Variants in MTHFSD observed in about 807,000 individuals in gnomAD.
MTHFSD encodes the protein methenyltetrahydrofolate synthetase domain containing.
Under a neutral mutation model 31.1 loss-of-function variants are expected in MTHFSD, and 37 were observed. That is an observed-to-expected ratio of 1.19 (90% CI 0.91 to 1.56). MTHFSD has a LOEUF of 1.56. MTHFSD is among the 40% of genes most tolerant of loss of function. MTHFSD has a pLI of 0.00. For synonymous variants in MTHFSD, 221 were observed against 206.9 expected, an observed-to-expected ratio of 1.07 and a Z score of -0.59; for missense variants, 664 against 510.1, an observed-to-expected ratio of 1.30 and a Z score of -2.91.
At position 86,532,374 on chromosome 16, in the gene MTHFSD, C is replaced by T. The variant is rs753956433; in HGVS notation, c.789G>A (p.Pro263=). 18 of 1,577,520 alleles carry T rather than the reference C, an allele frequency of 1.1e-5. No individual in the cohort carries two copies. The highest frequency in any genetic ancestry group is 7.1e-5 in the East Asian group (3 of 42,538). Residue 263 remains proline, a synonymous_variant, in exon 8 of 8, where the codon CCG becomes CCA. Transcript: ENST00000360900. ...VTLQGEHQHL[P]EPGCQQTVPL... ...GCACTGTCTGCTGGCAGCCTGGTTC[C>T]GGAAGGTGCTGGTGCTCACCCTGGA...
intron 4 of MTHFSD, chr16:86,548,017 T>C (rs1972581246): frequency 2.3e-6 from 3 of 1,284,828 alleles, no homozygotes; most frequent in African/African-American, 1.5e-5. Context: ...AAATATGTAA[T>C]TATCAGCAAT....
intron 1 of MTHFSD, 149 bp from the exon 2 acceptor site, chr16:86,554,900 G>T: frequency 9.5e-7 from 1 of 1,056,098 alleles, no homozygotes; most frequent in Non-Finnish European, 1.3e-6. Flanking sequence ...ACCTCAAGGG[G>T]CCCACGGGCT....
chr16:86,540,662 C>T (rs1971371983), intron 7 of MTHFSD: 2 of 986,900 alleles, frequency 2.0e-6, no homozygotes, highest in African/African-American at 3.5e-5. Flanking sequence ...TTGGCTTCCA[C>T]TTACAAGGAA....
At chr16:86,535,305 C>T (rs1399752369) in intron 7 of MTHFSD, 12 of 549,334 alleles carry the variant, frequency 2.2e-5, no homozygotes, top group Non-Finnish European at 2.7e-5. Context: ...GGCTTCACAT[C>T]AGCTCCCTCC....
intron 1 of MTHFSD, 194 bp from the exon 2 acceptor site, chr16:86,554,945 G>C (rs1250585116): frequency 4.0e-6 from 5 of 1,237,874 alleles, no homozygotes; most frequent in South Asian, 3.2e-5. Flanking sequence ...CTCCCGCCTC[G>C]TCTTCTCGTT....
intron 7 of MTHFSD, chr16:86,541,072 C>T (rs1014651309): frequency 2.0e-5 from 25 of 1,247,644 alleles, no homozygotes; most frequent in East Asian, 5.7e-5. Flanking sequence ...TTTGTCCACA[C>T]GAAGCACAAA....
At chr16:86,547,212 C>G (rs540005290) in intron 4 of MTHFSD, 1 of 986,098 alleles carries the variant, frequency 1.0e-6, no homozygotes, top group African/African-American at 1.7e-5. Flanking sequence ...AATATACTCG[C>G]TTCTAAAAAA....
intron 7 of MTHFSD, chr16:86,533,275 G>A (rs1343364331): frequency 1.3e-5 from 2 of 152,260 alleles, no homozygotes; most frequent in African/African-American, 2.4e-5. Context: ...AAGGCCTGAT[G>A]GCTCTGTCCT....
chr16:86,547,254 T>C, intron 4 of MTHFSD: 2 of 985,936 alleles, frequency 2.0e-6, no homozygotes, highest in East Asian at 1.1e-4. Context: ...CCCAAAAGTG[T>C]ACCGCTTTAT....
At chr16:86,535,292 C>G (rs1970527267) in intron 7 of MTHFSD, 1 of 985,114 alleles carries the variant, frequency 1.0e-6, no homozygotes, top group Admixed American at 6.2e-5. Flanking sequence ...TAAAGGATGA[C>G]AAGGCTTCAC....
intron 7 of MTHFSD, among the ~76,000 whole-genome samples, chr16:86,536,006 C>T (rs951790175): frequency 6.6e-6 from 1 of 152,132 alleles, no homozygotes; most frequent in Non-Finnish European, 1.5e-5. Flanking sequence ...GGGCACTCAC[C>T]ACCACACCCA....
At chr16:86,541,020 A>C (rs1161851026) in intron 7 of MTHFSD, 1 of 1,174,684 alleles carries the variant, frequency 8.5e-7, no homozygotes, top group Non-Finnish European at 1.1e-6. Context: ...TTGGGATTAA[A>C]GAATGGGAGA....
At chr16:86,546,310 A>G (rs773422932) in intron 5 of MTHFSD, among the ~76,000 whole-genome samples, 13 of 152,262 alleles carry the variant, frequency 8.5e-5, no homozygotes, top group Non-Finnish European at 1.9e-4. Context: ...CACCACCTGA[A>G]CAGAGAGTTA....
rs8776 is a variant in MTHFSD, at chr16:86,530,288, C to T, written c.*1723G>A. On this transcript the variant is annotated 3_prime_UTR_variant, in exon 8 of 8. Transcript: ENST00000360900. ...AACTCTTTCAGATTATCTGTATATC[C>T]ATATACCTGGATTATTCTGGCTAAA... is the stretch of plus-strand genomic sequence containing the variant. 16,365 of 152,250 alleles carry T rather than the reference C, an allele frequency of 0.11. 969 individuals carry two copies. Among genetic ancestry groups the T allele is most frequent in the South Asian group, 0.24 (1,143 of 4,824 alleles). The allele number at this position is 152,250 out of a possible 1,614,324, so 9.4% of individuals were successfully genotyped here. A position where few individuals can be genotyped will look rare whatever the true frequency, so the allele number is the denominator to read the frequency against.
chr16:86,532,580 G>T, intron 7 of MTHFSD, 99 bp from the exon 8 acceptor site: 1 of 989,018 alleles, frequency 1.0e-6, no homozygotes, highest in Non-Finnish European at 1.4e-6. Context: ...TGCTGCACAC[G>T]TGGACTGGAT....
At chr16:86,541,854 C>G (rs3213418) in intron 6 of MTHFSD, 32 bp from the exon 7 acceptor site, 1,434,907 of 1,611,676 alleles carry the variant, frequency 0.89, 640,907 homozygotes, top group South Asian at 0.93. Context: ...AAAGGGGCTG[C>G]TGGGAATGCC....
chr16:86,546,523 C>A (rs760086384), intron 5 of MTHFSD, 36 bp downstream of exon 5: 1 of 1,577,796 alleles, frequency 6.3e-7, no homozygotes, highest in African/African-American at 1.3e-5. Flanking sequence ...TCAGGCAGAG[C>A]TGTCACACTC....
At position 86,542,279 on chromosome 16, in the gene MTHFSD, A is replaced by G. The variant is rs1338962899; in HGVS notation, c.443-66T>C. ...GGCATCGCTGAGAAGTGGATTTTCCATCAGGTCCAGTGGAAGAAGAAACTT... is the reference window on the plus strand; with the variant it reads ...GGCATCGCTGAGAAGTGGATTTTCCGTCAGGTCCAGTGGAAGAAGAAACTT... On this transcript the variant is annotated intron_variant, in intron 5 of 7. Coordinates refer to ENST00000360900, the MANE Select transcript of MTHFSD (RefSeq NM_001159377.2). This position sits in a 1 kb window ranked among gnomAD's most constrained non-coding sequence, Gnocchi z 4.6. The G allele has an allele frequency of 2.2e-6, 3 of 1,372,162 alleles. No individual in the cohort carries two copies. The Admixed American group carries it at 5.7e-5, about 26-fold the overall frequency. The allele number at this position is 1,372,162 out of a possible 1,614,324, so 85.0% of individuals were successfully genotyped here.
In MTHFSD at chr16:86,536,932, C is replaced by T. The variant is rs16941462; in HGVS notation, c.682-4451G>A. ...CTTGAGCTTTCCGTGTTGGCTGTTC[C>T]GGTGTCACCCTACACACGTCTGTGC... is the stretch of plus-strand genomic sequence containing the variant. On this transcript the variant is annotated intron_variant, in intron 7 of 7. Transcript: ENST00000360900. Among the ~76,000 whole-genome samples the T allele has an allele frequency of 7.8e-3, 1,187 of 152,316 alleles. 15 individuals are homozygous for T. The highest frequency in any genetic ancestry group is 0.026 in the African/African-American group (1,075 of 41,568).
Sources: gnomAD v4.1 joint callset for allele counts (sites outside exome capture counted in the v4.1 genomes callset) on GRCh38, gnomAD v4.1.1 for gene constraint, Gnocchi (gnomAD v3.1) non-coding constraint, MANE v1.5 for transcripts, NCBI Gene and HGNC (gene_info 2026-07-23, HGNC 2026-07-21) for gene names.